ILDR2: variants seen among roughly 807,000 people sequenced by gnomAD.
ILDR2 encodes immunoglobulin-like domain-containing receptor 2.
A neutral mutation model predicts 66.8 loss-of-function variants in ILDR2; 25 were observed. The ratio of observed to expected loss-of-function variants is 0.37; its 90% confidence interval spans 0.27 to 0.52. The LOEUF (loss-of-function observed/expected upper bound fraction) is 0.52. Among genes scored for constraint, ILDR2 ranks in the 20% least tolerant of loss-of-function variants. ILDR2 has a pLI of 0.88. For missense variants in ILDR2, 827 were observed against 876.8 expected (o/e 0.94, Z 0.72); for synonymous variants, 367 against 357.2 (o/e 1.03, Z -0.31).
chr1:166,925,012 T>C (rs1660192593), intron 7 of ILDR2, among the ~76,000 whole-genome samples: 1 of 151,708 alleles, frequency 6.6e-6, no homozygotes, highest in South Asian at 2.1e-4. Flanking sequence ...CAAGACCTTG[T>C]CTCAAAAAAA....
intron 1 of ILDR2, among the ~76,000 whole-genome samples, chr1:166,967,585 T>C (rs933928567): frequency 2.0e-5 from 3 of 152,128 alleles, no homozygotes; most frequent in Admixed American, 6.5e-5. Flanking sequence ...GGCGAAACCC[T>C]GTCTCTACTA....
intron 3 of ILDR2, among the ~76,000 whole-genome samples, chr1:166,946,939 TG>T (rs1661645981): frequency 6.6e-6 from 1 of 152,156 alleles, no homozygotes. Flanking sequence ...CTTTTAAAGT[TG>T]CAACCGGAAA....
At chr1:166,974,152 T>A (rs1286583772) in intron 1 of ILDR2, among the ~76,000 whole-genome samples, 1 of 152,172 alleles carries the variant, frequency 6.6e-6, no homozygotes, top group Non-Finnish European at 1.5e-5. Flanking sequence ...GGTACTATTG[T>A]CCCTTTTCTC....
downstream of ILDR2, among the ~76,000 whole-genome samples, chr1:166,907,507 G>C (rs2101815936): frequency 6.6e-6 from 1 of 152,138 alleles, no homozygotes; most frequent in East Asian, 1.9e-4. Flanking sequence ...TTCTTTTGAG[G>C]GAACATCTCT....
At chr1:166,928,670 A>T (rs1405634972) in intron 6 of ILDR2, among the ~76,000 whole-genome samples, 1 of 152,174 alleles carries the variant, frequency 6.6e-6, no homozygotes, top group African/African-American at 2.4e-5. Flanking sequence ...CACGCAAGCT[A>T]TTTACATGGA....
downstream of ILDR2, among the ~76,000 whole-genome samples, chr1:166,905,644 A>T (rs1038736069): frequency 1.1e-4 from 16 of 152,266 alleles, no homozygotes; most frequent in Middle Eastern, 3.4e-3. Flanking sequence ...ATACTTTTTT[A>T]TGGTTCTCTA....
At chr1:166,924,910 G>C (rs1301784314) in intron 7 of ILDR2, among the ~76,000 whole-genome samples, 1 of 152,126 alleles carries the variant, frequency 6.6e-6, no homozygotes, top group East Asian at 1.9e-4. Context: ...CAGCTACTGG[G>C]GAGGCTGAGG....
intron 1 of ILDR2, among the ~76,000 whole-genome samples, chr1:166,973,467 A>T (rs1398236930): frequency 6.6e-6 from 1 of 152,134 alleles, no homozygotes; most frequent in Non-Finnish European, 1.5e-5. Flanking sequence ...CTCCAGTGAT[A>T]TGATTCCATT....
intron 3 of ILDR2, among the ~76,000 whole-genome samples, chr1:166,952,560 G>A (rs962973787): frequency 1.1e-4 from 17 of 152,160 alleles, no homozygotes; most frequent in Non-Finnish European, 2.4e-4. Flanking sequence ...CATCCATAGC[G>A]ATTTGTGGAT....
chr1:166,921,399 G>C lies in ILDR2; in HGVS notation c.1212-20C>G. The C allele has an allele frequency of 6.5e-7, 1 of 1,530,984 alleles. No homozygotes were observed. The highest frequency in any genetic ancestry group is 8.8e-7 in the Non-Finnish European group (1 of 1,137,304). 94.8% of individuals were successfully genotyped at this position (1,530,984 alleles called of 1,614,324 possible). On this transcript the variant is annotated intron_variant, in intron 8 of 9. Transcript: ENST00000271417. This position sits in a 1 kb window ranked among gnomAD's most constrained non-coding sequence, Gnocchi z 5.3. ...GGCTGGCTGCGGGCAGAGAAGGAGG[G>C]GGTCAGACGGCCGGTCCCTCCCTGG...
chr1:166,920,824 G>A lies in ILDR2; in HGVS notation c.1767C>T (p.Asp589=). 2.0e-6 allele frequency: 3 copies of A among 1,520,632 alleles called. No individual in the cohort carries two copies. Among genetic ancestry groups the A allele is most frequent in the Non-Finnish European group, 1.8e-6 (2 of 1,137,314 alleles). The allele number at this position is 1,520,632 out of a possible 1,614,324, so 94.2% of individuals were successfully genotyped here. The change falls in exon 9 of 10, where the codon GAC becomes GAT. Residue 589 remains aspartate (D), a synonymous_variant. Coordinates refer to ENST00000271417, the MANE Select transcript of ILDR2 (RefSeq NM_199351.3). ...SQDDQEDASD[D]ALPPYSELEL... is the part of the protein sequence containing the mutation. ...CCAGCTCGCTGTAGGGCGGCAGCGC[G>A]TCGTCGGACGCGTCCTCCTGGTCGT...
At chr1:166,975,149 C>CG (rs1012474765) in intron 1 of ILDR2, 74 bp downstream of exon 1, 8 of 1,257,776 alleles carry the variant, frequency 6.4e-6, no homozygotes, top group African/African-American at 1.5e-5. Context: ...AATGGGGGGG[C>CG]GGGGGGCGCG....
At chr1:166,934,861 T>C (rs1269598389) in intron 6 of ILDR2, among the ~76,000 whole-genome samples, 2 of 152,232 alleles carry the variant, frequency 1.3e-5, no homozygotes, top group South Asian at 2.1e-4. Flanking sequence ...TTTGAACTGA[T>C]TGTCTTTAGC....
In ILDR2 at chr1:166,957,914, T is replaced by C. The variant is rs911892433; in HGVS notation, c.234A>G (p.Gln78=). 22 of 1,614,114 alleles carry C rather than the reference T, an allele frequency of 1.4e-5. No individual in the cohort carries two copies. Among genetic ancestry groups the C allele is most frequent in the Admixed American group, 3.3e-5 (2 of 60,014 alleles). Reference sequence around the variant, plus strand: ...ATTCCAGGTTTCTCTTGCTGAGAGATTGGGCCCGGGTAGAGGACATGCCCA... The same window carrying C: ...ATTCCAGGTTTCTCTTGCTGAGAGACTGGGCCCGGGTAGAGGACATGCCCA... ...ESLGMSSTRA[Q]SLSKRNLEWD... The change falls in exon 2 of 10, where the codon CAA becomes CAG. Residue 78 remains glutamine (Q), a synonymous_variant. Transcript: ENST00000271417.
rs1659434135 is a variant in ILDR2 at position 166,909,784 on chromosome 1, T to TAAATATATATAA, written c.*9570_*9571insTTATATATATTT. 2.4e-5 allele frequency: 2 copies of TAAATATATATAA among 82,246 alleles called. No individual in the cohort carries two copies. The highest frequency in any genetic ancestry group is 4.5e-5 in the African/African-American group (1 of 22,048). The allele number at this position is 82,246 out of a possible 1,614,324, so 5.1% of individuals were successfully genotyped here. A position where few individuals can be genotyped will look rare whatever the true frequency, so the allele number is the denominator to read the frequency against. On this transcript the variant is annotated 3_prime_UTR_variant, in exon 10 of 10. Coordinates refer to ENST00000271417, the MANE Select transcript of ILDR2 (RefSeq NM_199351.3). ...AAATATATATAAATATATATATTTA[T>TAAATATATATAA]ATATATATATATATATATATATCCT... is the stretch of plus-strand genomic sequence containing the variant.
intron 1 of ILDR2, among the ~76,000 whole-genome samples, chr1:166,965,213 T>C (rs775416625): frequency 8.9e-4 from 135 of 152,310 alleles, no homozygotes; most frequent in Admixed American, 5.2e-3. Context: ...TTGGGACCAG[T>C]AGTGTTTCAG....
chr1:166,960,089 G>A (rs1042450556), intron 1 of ILDR2, among the ~76,000 whole-genome samples: 12 of 152,170 alleles, frequency 7.9e-5, no homozygotes, highest in Admixed American at 2.0e-4. Flanking sequence ...ATACATGTTT[G>A]TACTCATATC....
chr1:166,972,416 G>A (rs1224957836), intron 1 of ILDR2, among the ~76,000 whole-genome samples: 1 of 152,108 alleles, frequency 6.6e-6, no homozygotes, highest in Non-Finnish European at 1.5e-5. Context: ...AAGACAGAGT[G>A]AACCCTCCTT....
At chr1:166,949,511 C>T (rs1358012125) in intron 3 of ILDR2, among the ~76,000 whole-genome samples, 3 of 152,112 alleles carry the variant, frequency 2.0e-5, no homozygotes, top group Admixed American at 6.5e-5. Context: ...AATTTAAATA[C>T]AAATCATACT....
Sources: allele counts gnomAD v4.1 joint callset (sites outside exome capture counted in the v4.1 genomes callset), GRCh38; gene constraint gnomAD v4.1.1; non-coding constraint Gnocchi (gnomAD v3.1); transcripts MANE v1.5; gene names NCBI Gene and HGNC (gene_info 2026-07-23, HGNC 2026-07-21).